Variants in ELAVL1 observed in about 807,000 individuals in gnomAD.
ELAVL1 encodes ELAV like RNA binding protein 1, also known as ELAV-like protein 1.
A neutral mutation model predicts 28.4 loss-of-function variants in ELAVL1; 1 was observed. That is an observed-to-expected ratio of 0.04 (90% CI 0.01 to 0.17). The LOEUF is 0.17. ELAVL1 is among the 10% of genes least tolerant of loss of function. The pLI is 1.00. For synonymous variants in ELAVL1, 174 were observed against 183.5 expected, an observed-to-expected ratio of 0.95 and a Z score of 0.42; for missense variants, 157 against 447.2, an observed-to-expected ratio of 0.35 and a Z score of 5.85.
In ELAVL1 at chr19:7,996,468, C is replaced by T. The variant is rs191900800; in HGVS notation, c.-16-4637G>A. 5.4e-3 allele frequency among the ~76,000 whole-genome samples: 820 copies of T among 151,002 alleles called. 19 individuals are homozygous for T. Among genetic ancestry groups the T allele is most frequent in the African/African-American group, 0.019 (773 of 41,244 alleles). Reference sequence around the variant, plus strand: ...CCTCCCAAAGTGCTGGGATTACAGGCGTGAGCCACCACGCCTGGCCCAGAA... The same window carrying T: ...CCTCCCAAAGTGCTGGGATTACAGGTGTGAGCCACCACGCCTGGCCCAGAA... On this transcript the variant is annotated intron_variant, in intron 1 of 5. Transcript: ENST00000407627.
chr19:7,971,880 CACGCAGCTCAGGGG>C (rs1234106963), intron 4 of ELAVL1, among the ~76,000 whole-genome samples: 3 of 152,230 alleles, frequency 2.0e-5, no homozygotes, highest in Non-Finnish European at 4.4e-5. Flanking sequence ...CACCCCAAAG[CACGCAGCTCAGGGG>C]ACGCAGGACA....
chr19:7,963,395 G>T lies in ELAVL1; in HGVS notation c.*88C>A. 6.9e-7 allele frequency: 1 copy of T among 1,453,146 alleles called. No homozygotes were observed. The highest frequency in any genetic ancestry group is 9.3e-7 in the Non-Finnish European group (1 of 1,078,400). The allele number at this position is 1,453,146 out of a possible 1,614,324, so 90.0% of individuals were successfully genotyped here. The stretch of plus-strand genomic sequence containing the variant: ...ACAAAGACAAACACTTGTGAAAATT[G>T]GCGCAAAATGAGTTGTACACTAACA... On this transcript the variant is annotated 3_prime_UTR_variant, in exon 6 of 6. Coordinates refer to ENST00000407627, the MANE Select transcript of ELAVL1 (RefSeq NM_001419.3). The surrounding 1 kb of genome is among the most constrained non-coding windows in gnomAD (Gnocchi z 4.5).
chr19:7,975,944 T>G (rs1985269768), intron 3 of ELAVL1, among the ~76,000 whole-genome samples: 1 of 151,794 alleles, frequency 6.6e-6, no homozygotes, highest in Admixed American at 6.6e-5. Context: ...ACAAAAAAAA[T>G]TAGCTGGTCG....
At chr19:8,004,058 C>T (rs755095139) in intron 1 of ELAVL1, among the ~76,000 whole-genome samples, 2 of 152,214 alleles carry the variant, frequency 1.3e-5, no homozygotes, top group Non-Finnish European at 2.9e-5. Context: ...CCATCTAAGC[C>T]TCAGTTTCTT....
intron 2 of ELAVL1, among the ~76,000 whole-genome samples, chr19:7,989,231 G>A (rs1279680149): frequency 6.6e-6 from 1 of 152,182 alleles, no homozygotes; most frequent in African/African-American, 2.4e-5. Flanking sequence ...CTGGCGGCAG[G>A]CTGAGCAAAG....
At chr19:7,985,427 C>A (rs562948975) in intron 2 of ELAVL1, among the ~76,000 whole-genome samples, 252 of 152,338 alleles carry the variant, frequency 1.7e-3, no homozygotes, top group African/African-American at 5.6e-3. Flanking sequence ...TACCCCTACC[C>A]CATCCCGGGA....
chr19:7,977,749 C>T (rs1309838159), intron 3 of ELAVL1, among the ~76,000 whole-genome samples: 2 of 152,268 alleles, frequency 1.3e-5, no homozygotes, highest in Non-Finnish European at 2.9e-5. Context: ...AGGCAAGGCA[C>T]GTCTGCGCTC....
intron 3 of ELAVL1, among the ~76,000 whole-genome samples, chr19:7,975,500 A>G (rs558021706): frequency 4.7e-4 from 72 of 152,392 alleles, no homozygotes; most frequent in African/African-American, 1.3e-3. Flanking sequence ...GCTGGCGCAC[A>G]GCAGGCGTGC....
chr19:7,978,493 G>A (rs1194724892), intron 3 of ELAVL1, among the ~76,000 whole-genome samples: 1 of 152,188 alleles, frequency 6.6e-6, no homozygotes, highest in South Asian at 2.1e-4. Context: ...GCTCCACGGA[G>A]CCTCCTGGCA....
chr19:7,968,285 G>A (rs534638053), intron 4 of ELAVL1, among the ~76,000 whole-genome samples: 18 of 152,284 alleles, frequency 1.2e-4, no homozygotes, highest in African/African-American at 4.1e-4. Context: ...AGCAGGCCTC[G>A]TGGCCGAGCC....
intron 3 of ELAVL1, among the ~76,000 whole-genome samples, chr19:7,977,254 G>A (rs893091549): frequency 6.6e-6 from 1 of 152,136 alleles, no homozygotes; most frequent in Non-Finnish European, 1.5e-5. Flanking sequence ...AATGTGCTGG[G>A]GAAGCCTCCA....
intron 1 of ELAVL1, among the ~76,000 whole-genome samples, chr19:8,002,471 G>A (rs962214629): frequency 1.3e-5 from 2 of 152,234 alleles, no homozygotes; most frequent in Non-Finnish European, 2.9e-5. Flanking sequence ...AGAGGAGGGA[G>A]CGAGCCTCAC....
chr19:7,992,879 G>A (rs144308227), intron 1 of ELAVL1, among the ~76,000 whole-genome samples: 3 of 152,270 alleles, frequency 2.0e-5, no homozygotes, highest in South Asian at 4.2e-4. Flanking sequence ...ATCCTCAAGC[G>A]ATCCTCACAC....
intron 1 of ELAVL1, among the ~76,000 whole-genome samples, chr19:8,001,474 T>A (rs2081067608): frequency 6.6e-6 from 1 of 152,122 alleles, no homozygotes; most frequent in Non-Finnish European, 1.5e-5. Flanking sequence ...AAACTCAGTG[T>A]CTCTAAACCC....
At position 7,962,436 on chromosome 19, in the gene ELAVL1, G is replaced by T. The variant is rs1984836306; in HGVS notation, c.*1047C>A. 1 of 152,578 alleles carries T rather than the reference G, an allele frequency of 6.6e-6. No individual in the cohort carries two copies. The highest frequency in any genetic ancestry group is 1.5e-5 in the Non-Finnish European group (1 of 68,018). 9.5% of individuals were successfully genotyped at this position (152,578 alleles called of 1,614,324 possible). On this transcript the variant is annotated 3_prime_UTR_variant, in exon 6 of 6. Transcript: ENST00000407627. ...TAATCTTTAAAACTACAAATCAAAG[G>T]TTTTGGTTAATAGATAACTGGCAAG...
rs1008823225 is a variant in ELAVL1 at position 7,958,856 on chromosome 19, T to A, written c.*4627A>T. On this transcript the variant is annotated 3_prime_UTR_variant, in exon 6 of 6. Transcript: ENST00000407627. Reference sequence around the variant, plus strand: ...TACATGTAAATATATCAATTTGGCATCTCTATAAAAACTCTGAAAATGGTG... The same window carrying A: ...TACATGTAAATATATCAATTTGGCAACTCTATAAAAACTCTGAAAATGGTG... 1.3e-5 allele frequency: 2 copies of A among 153,076 alleles called. No individual in the cohort carries two copies. Among genetic ancestry groups the A allele is most frequent in the Admixed American group, 1.3e-4 (2 of 15,276 alleles). 9.5% of individuals were successfully genotyped at this position (153,076 alleles called of 1,614,324 possible). A position where few individuals can be genotyped will look rare whatever the true frequency, so the allele number is the denominator to read the frequency against.
chr19:7,992,046 T>C (rs1231147195), intron 1 of ELAVL1, among the ~76,000 whole-genome samples: 1 of 151,830 alleles, frequency 6.6e-6, no homozygotes, highest in African/African-American at 2.4e-5. Context: ...GTTCAAGTGA[T>C]TCTCCTACCT....
At position 7,982,101 on chromosome 19, in the gene ELAVL1, G is replaced by A. The variant is rs1390515984; in HGVS notation, c.173-915C>T. Reference sequence around the variant, plus strand: ...TGTGAAACACTCAGCACAGGTACAAGTGAACACCCACTCACTGGATACCAT... The same window carrying A: ...TGTGAAACACTCAGCACAGGTACAAATGAACACCCACTCACTGGATACCAT... On this transcript the variant is annotated intron_variant, in intron 2 of 5. Transcript: ENST00000407627. This position sits in a 1 kb window ranked among gnomAD's most constrained non-coding sequence, Gnocchi z 4.3. 6.6e-6 allele frequency among the ~76,000 whole-genome samples: 1 copy of A among 152,228 alleles called. No homozygotes were observed. The highest frequency in any genetic ancestry group is 6.5e-5 in the Admixed American group (1 of 15,284).
In ELAVL1 at chr19:7,963,760, T is replaced by C. The variant is rs768632820; in HGVS notation, c.704A>G (p.Asn235Ser). ...GCCGGAGGAGGCGTTTCCTGGCACG[T>C]TGACGCCAGAGAGCCCGCTCATGTG... ...VDHMSGLSGV[N>S]VPGNASSGWC... Residue 235 changes from asparagine (N) to serine (S), a missense_variant, in exon 6 of 6, where the codon AAC (asparagine) becomes AGC (serine). Transcript: ENST00000407627. The surrounding 1 kb of genome is among the most constrained non-coding windows in gnomAD (Gnocchi z 4.5). The C allele has an allele frequency of 2.5e-6, 4 of 1,614,274 alleles. No individual in the cohort carries two copies. Among genetic ancestry groups the C allele is most frequent in the Non-Finnish European group, 2.5e-6 (3 of 1,180,038 alleles).
Sources: allele counts gnomAD v4.1 joint callset (sites outside exome capture counted in the v4.1 genomes callset), GRCh38; gene constraint gnomAD v4.1.1; non-coding constraint Gnocchi (gnomAD v3.1); transcripts MANE v1.5; gene names NCBI Gene and HGNC (gene_info 2026-07-23, HGNC 2026-07-21).